The following LAMP1 variants were observed in gnomAD, a reference collection of about 807,000 sequenced individuals.
LAMP1 encodes the protein lysosome-associated membrane glycoprotein 1.
LAMP1 carries 7 observed loss-of-function variants against 37.5 expected under a neutral mutation model. The observed-to-expected ratio is 0.19, with a 90% CI of 0.11 to 0.35. The LOEUF (loss-of-function observed/expected upper bound fraction) is 0.35, where lower values mean the gene tolerates loss of function less well. Ranked by LOEUF, LAMP1 falls within the 10% of genes least tolerant of loss-of-function variation. The pLI is 1.00. For synonymous variants in LAMP1, 236 were observed against 229.1 expected, an observed-to-expected ratio of 1.03 and a Z score of -0.27; for missense variants, 537 against 552.8, an observed-to-expected ratio of 0.97 and a Z score of 0.29.
At chr13:113,301,298 G>A (rs147384019) in intron 1 of LAMP1, among the ~76,000 whole-genome samples, 10 of 152,122 alleles carry the variant, frequency 6.6e-5, no homozygotes, top group Admixed American at 3.3e-4. Context: ...GCAACATGGC[G>A]AGACCAGTGT....
chr13:113,300,966 G>A (rs1474530444), intron 1 of LAMP1, among the ~76,000 whole-genome samples: 2 of 152,134 alleles, frequency 1.3e-5, no homozygotes, highest in Non-Finnish European at 2.9e-5. Context: ...TATTGCATTA[G>A]CCCCATCCCA....
In LAMP1 at chr13:113,320,133, G is replaced by A. The variant is rs758250551; in HGVS notation, c.751-212G>A. On this transcript the variant is annotated intron_variant, in intron 5 of 8. Transcript: ENST00000332556. The surrounding 1 kb of genome is among the most constrained non-coding windows in gnomAD (Gnocchi z 4.4). ...TGGTGCTGCTGGTTGCCCTCCACGC[G>A]GGGACGCTGCACTCCAAGAGCAGCT... Among the ~76,000 whole-genome samples the A allele has an allele frequency of 1.2e-4, 19 of 152,128 alleles. No homozygotes were observed. The highest frequency in any genetic ancestry group is 4.1e-4 in the African/African-American group (17 of 41,430).
chr13:113,313,691 T>G lies in LAMP1; in HGVS notation c.562+2824T>G, dbSNP rs1453833087. Among the ~76,000 whole-genome samples, 17 of 137,970 alleles carry G rather than the reference T, an allele frequency of 1.2e-4. 1 individual carries two copies. Among genetic ancestry groups the G allele is most frequent in the African/African-American group, 4.7e-4 (16 of 34,240 alleles). 90.5% of individuals were successfully genotyped at this position (137,970 alleles called of 152,430 possible). ...ATGCCCGTGTGCCTGGGGCATGGCC[T>G]CCTGGAGGGAACCAGTGTGGAGATG... is the stretch of plus-strand genomic sequence containing the variant. On this transcript the variant is annotated intron_variant, in intron 4 of 8. Coordinates refer to ENST00000332556, the MANE Select transcript of LAMP1 (RefSeq NM_005561.4).
At chr13:113,298,006 C>T (rs377255551) in intron 1 of LAMP1, among the ~76,000 whole-genome samples, 32 of 152,190 alleles carry the variant, frequency 2.1e-4, no homozygotes, top group Admixed American at 1.7e-3. Flanking sequence ...TGTACTTGAA[C>T]CTTTCTCCTC....
At chr13:113,305,782 C>T (rs2042595233) in intron 1 of LAMP1, 1 of 152,208 alleles carries the variant, frequency 6.6e-6, no homozygotes, top group Non-Finnish European at 1.5e-5. Flanking sequence ...TGCAGCCTCT[C>T]CCATGGATTT....
intron 4 of LAMP1, among the ~76,000 whole-genome samples, chr13:113,315,311 G>A (rs2042656592): frequency 1.3e-5 from 2 of 151,916 alleles, no homozygotes; most frequent in South Asian, 4.2e-4. Context: ...CGGTGTGCCT[G>A]GGGCGCGGCG....
rs774188089 is a variant in LAMP1 at position 113,320,382 on chromosome 13, C to T, written c.788C>T (p.Thr263Ile). Residue 263 changes from threonine to isoleucine, a missense_variant, in exon 6 of 9, where the codon ACC becomes ATC. By Grantham distance (89) the Thr-to-Ile change is moderately conservative (BLOSUM62 -1). Coordinates refer to ENST00000332556, the MANE Select transcript of LAMP1 (RefSeq NM_005561.4). The surrounding 1 kb of genome is among the most constrained non-coding windows in gnomAD (Gnocchi z 4.4). The part of the protein sequence containing the change: ...TRLLNINPNK[T>I]SASGSCGAHL... ...CTTCTCAACATCAACCCCAACAAGA[C>T]CTCGGCCAGCGGGAGCTGCGGCGCC... is the stretch of plus-strand genomic sequence containing the variant. The T allele has an allele frequency of 6.2e-7, 1 of 1,613,856 alleles. No individual in the cohort carries two copies. The highest frequency in any genetic ancestry group is 8.5e-7 in the Non-Finnish European group (1 of 1,180,034).
chr13:113,303,220 A>G (rs2042582777), intron 1 of LAMP1, among the ~76,000 whole-genome samples: 1 of 152,172 alleles, frequency 6.6e-6, no homozygotes, highest in Non-Finnish European at 1.5e-5. Flanking sequence ...CACAGCTAGT[A>G]AGTGCTGCAA....
At chr13:113,302,599 A>G (rs933177125) in intron 1 of LAMP1, among the ~76,000 whole-genome samples, 1 of 151,172 alleles carries the variant, frequency 6.6e-6, no homozygotes, top group Admixed American at 6.6e-5. Context: ...AAAAAATTAA[A>G]TTTTTTTTTT....
intron 4 of LAMP1, among the ~76,000 whole-genome samples, chr13:113,318,682 G>T (rs1471483617): frequency 6.6e-6 from 1 of 152,094 alleles, no homozygotes; most frequent in Admixed American, 6.5e-5. Context: ...GGGGTGCCAT[G>T]TGCCCCCCCA....
chr13:113,322,366 T>TGA lies in LAMP1; in HGVS notation c.1199_1200insGA (p.Ile401ThrfsTer72). ...CTGGCGGGGCTGGTCCTCATCGTCCTCATCGCCTACCTCGTCGGCAGGAAG... is the reference window on the plus strand; with the variant it reads ...CTGGCGGGGCTGGTCCTCATCGTCCTGACATCGCCTACCTCGTCGGCAGGAAG... On this transcript the variant is annotated frameshift_variant, in exon 9 of 9. Transcript: ENST00000332556. LOFTEE classifies it high-confidence loss of function. The TGA allele has an allele frequency of 1.3e-6, 2 of 1,589,678 alleles. No homozygotes were observed. Among genetic ancestry groups the TGA allele is most frequent in the Admixed American group, 1.7e-5 (1 of 57,416 alleles).
At chr13:113,299,001 A>G (rs1294062456) in intron 1 of LAMP1, among the ~76,000 whole-genome samples, 1 of 152,152 alleles carries the variant, frequency 6.6e-6, no homozygotes, top group Non-Finnish European at 1.5e-5. Flanking sequence ...TTAGCTGGGC[A>G]TGGTGGCGCA....
chr13:113,317,202 A>T (rs147488892), intron 4 of LAMP1, among the ~76,000 whole-genome samples: 86 of 152,294 alleles, frequency 5.6e-4, no homozygotes, highest in African/African-American at 1.9e-3. Context: ...GAGGTGTGAC[A>T]GTGGACCCTC....
chr13:113,319,586 C>G lies in LAMP1; in HGVS notation c.680C>G (p.Thr227Ser), dbSNP rs548996606. The change falls in exon 5 of 9, where the codon ACC becomes AGC. Residue 227 changes from threonine to serine, a missense_variant. Physicochemically the swap from Thr to Ser is moderately conservative, Grantham distance 58. Transcript: ENST00000332556. ...GTGGACAAGTACAACGTGAGCGGCA[C>G]CAACGGGACCTGCCTGCTGGCCAGC... Reference protein sequence around the residue: ...PSVDKYNVSGTNGTCLLASMG... With the variant: ...PSVDKYNVSGSNGTCLLASMG... The G allele has an allele frequency of 6.2e-7, 1 of 1,613,996 alleles. No homozygotes were observed. The highest frequency in any genetic ancestry group is 2.2e-5 in the East Asian group (1 of 44,876).
intron 4 of LAMP1, among the ~76,000 whole-genome samples, chr13:113,314,247 G>C (rs569862505): frequency 4.2e-5 from 4 of 96,248 alleles, no homozygotes; most frequent in Non-Finnish European, 6.0e-5. Context: ...CGGAGATGTC[G>C]GTGTGCCTGG....
At chr13:113,301,762 C>T (rs1257966067) in intron 1 of LAMP1, among the ~76,000 whole-genome samples, 1 of 145,286 alleles carries the variant, frequency 6.9e-6, no homozygotes, top group Non-Finnish European at 1.5e-5. Context: ...TATTTTTTTC[C>T]TTTAGTTCTT....
chr13:113,306,596 G>A lies in LAMP1; in HGVS notation c.173G>A (p.Ser58Asn), dbSNP rs2042599791. The A allele has an allele frequency of 6.2e-7, 1 of 1,613,916 alleles. No individual in the cohort carries two copies. Among genetic ancestry groups the A allele is most frequent in the Admixed American group, 1.7e-5 (1 of 59,988 alleles). Residue 58 changes from serine (S) to asparagine (N), a missense_variant, in exon 2 of 9, where the codon AGT becomes AAT. Physicochemically the swap from Ser to Asn is conservative, Grantham distance 46. Transcript: ENST00000332556. ...AAFSVNYDTK[S>N]GPKNMTFDLP... ...TTCTCAGTGAACTACGACACCAAGA[G>A]TGGCCCTAAGGTAGGAAACACCAGG...
Position 113,321,716 on chromosome 13 carries a change from A to G in LAMP1, c.1103A>G (p.Gln368Arg), listed in dbSNP as rs780823952. 1.2e-6 allele frequency: 2 copies of G among 1,614,034 alleles called. No individual in the cohort carries two copies. The part of the protein sequence containing the change: ...WVQAFKVEGG[Q>R]FGSVEECLLD... ...CAGGCTTTCAAGGTGGAAGGTGGCC[A>G]GTTTGGCTCTGGTGAGTGTCACCGA... The change falls in exon 8 of 9, where the codon CAG becomes CGG. Residue 368 changes from glutamine (Q) to arginine (R), a missense_variant. Gln to Arg is a conservative substitution (Grantham distance 43, BLOSUM62 1). Transcript: ENST00000332556. This position sits in a 1 kb window ranked among gnomAD's most constrained non-coding sequence, Gnocchi z 5.6.
chr13:113,312,567 C>T (rs2042636198), intron 4 of LAMP1, among the ~76,000 whole-genome samples: 2 of 152,204 alleles, frequency 1.3e-5, no homozygotes, highest in Admixed American at 1.3e-4. Context: ...GCCACGTGGG[C>T]TCCCATAGGG....
Sources: gnomAD v4.1 joint callset for allele counts (sites outside exome capture counted in the v4.1 genomes callset) on GRCh38, gnomAD v4.1.1 for gene constraint, Gnocchi (gnomAD v3.1) non-coding constraint, MANE v1.5 for transcripts, NCBI Gene and HGNC (gene_info 2026-07-23, HGNC 2026-07-21) for gene names.